The following RIMS1 variants were observed in gnomAD, a reference collection of about 807,000 sequenced individuals.
The protein encoded by RIMS1 is regulating synaptic membrane exocytosis protein 1.
A neutral mutation model predicts 214.1 loss-of-function variants in RIMS1; 83 were observed. The ratio of observed to expected loss-of-function variants is 0.39; its 90% CI spans 0.32 to 0.47. RIMS1 has a LOEUF of 0.47. Among genes scored for constraint, RIMS1 ranks in the 20% least tolerant of loss-of-function variants. The probability of loss-of-function intolerance (pLI) is 0.99; values close to 1 mark genes in which losing one functional copy is unlikely to be tolerated. For synonymous variants in RIMS1, 793 were observed against 786.8 expected (o/e 1.01, Z -0.13); for missense variants, 2,050 against 2,161.8 (o/e 0.95, Z 1.03).
At chr6:72,058,061 GTACT>G in intron 2 of RIMS1, among the ~76,000 whole-genome samples, 1 of 152,210 alleles carries the variant, frequency 6.6e-6, no homozygotes, top group Non-Finnish European at 1.5e-5. Flanking sequence ...AATTTATAAA[GTACT>G]TACTTGATTC....
chr6:72,378,600 C>T (rs747737932), intron 29 of RIMS1, among the ~76,000 whole-genome samples: 2 of 152,058 alleles, frequency 1.3e-5, no homozygotes, highest in African/African-American at 2.4e-5. Flanking sequence ...GAGGCCAAGG[C>T]GGGTGGATCA....
chr6:72,145,904 C>G (rs1237977497), intron 4 of RIMS1, among the ~76,000 whole-genome samples: 3 of 152,290 alleles, frequency 2.0e-5, no homozygotes, highest in African/African-American at 7.2e-5. Context: ...AAGAATACTC[C>G]CAAATCGTTT....
At chr6:71,997,780 T>C (rs1228541573) in intron 2 of RIMS1, among the ~76,000 whole-genome samples, 2 of 152,144 alleles carry the variant, frequency 1.3e-5, no homozygotes, top group Non-Finnish European at 2.9e-5. Flanking sequence ...CTCAGAGTTT[T>C]TAAAATGCTA....
chr6:72,317,777 C>T (rs575813225), intron 28 of RIMS1, among the ~76,000 whole-genome samples: 2 of 152,160 alleles, frequency 1.3e-5, no homozygotes, highest in African/African-American at 2.4e-5. Flanking sequence ...TACACTGTTC[C>T]GAACTTCAAT....
intron 32 of RIMS1, 131 bp from the exon 33 acceptor site, chr6:72,398,824 T>G: frequency 1.7e-6 from 1 of 571,452 alleles, no homozygotes; most frequent in South Asian, 3.1e-5. Flanking sequence ...CAATGGAAAT[T>G]TTAAGTAATT....
At chr6:72,208,041 C>T (rs1053909598) in intron 6 of RIMS1, among the ~76,000 whole-genome samples, 4 of 152,116 alleles carry the variant, frequency 2.6e-5, no homozygotes, top group African/African-American at 4.8e-5. Context: ...TCCTAAGAAG[C>T]GGAAATGGCA....
chr6:72,321,107 A>G (rs1187960688), intron 28 of RIMS1, among the ~76,000 whole-genome samples: 2 of 152,074 alleles, frequency 1.3e-5, no homozygotes, highest in South Asian at 2.1e-4. Flanking sequence ...ATAGACCTTG[A>G]TGTATCCTCA....
chr6:72,209,382 G>T (rs1322557715), intron 6 of RIMS1, among the ~76,000 whole-genome samples: 1 of 152,140 alleles, frequency 6.6e-6, no homozygotes, highest in East Asian at 1.9e-4. Context: ...TATGAAAGAG[G>T]TTCTCAATCC....
intron 1 of RIMS1, among the ~76,000 whole-genome samples, chr6:71,959,619 A>T (rs1373963082): frequency 2.0e-5 from 3 of 151,028 alleles, no homozygotes; most frequent in African/African-American, 2.4e-5. Flanking sequence ...TTTTTTTTTT[A>T]AAGTGTGGAC....
At chr6:72,133,373 C>T (rs1372083839) in intron 4 of RIMS1, among the ~76,000 whole-genome samples, 1 of 152,084 alleles carries the variant, frequency 6.6e-6, no homozygotes, top group Non-Finnish European at 1.5e-5. Flanking sequence ...AGAAAGGCTG[C>T]TCCAATTTAG....
chr6:72,275,328 AT>A (rs2085794700), intron 23 of RIMS1, among the ~76,000 whole-genome samples: 1 of 151,710 alleles, frequency 6.6e-6, no homozygotes, highest in Non-Finnish European at 1.5e-5. Flanking sequence ...CAGAAGCAGC[AT>A]AATTAGTCAT....
chr6:72,187,811 A>G (rs2049381996), intron 6 of RIMS1, among the ~76,000 whole-genome samples: 1 of 151,910 alleles, frequency 6.6e-6, no homozygotes, highest in South Asian at 2.1e-4. Context: ...CTTGATGGAG[A>G]TTGATATGTG....
In RIMS1 at chr6:72,130,486, C is replaced by T. The variant is rs141472205; in HGVS notation, c.471+30500C>T. 1.1e-4 allele frequency among the ~76,000 whole-genome samples: 17 copies of T among 152,018 alleles called. 1 individual carries two copies. The highest frequency in any genetic ancestry group is 5.8e-4 in the East Asian group (3 of 5,180). On this transcript the variant is annotated intron_variant, in intron 4 of 33. Coordinates refer to ENST00000521978, the MANE Select transcript of RIMS1 (RefSeq NM_014989.7). ...TAAAGTATAATATCAAGATAGGAAC[C>T]GATTATGAAAGTAGGTCATAATGAG... is the stretch of plus-strand genomic sequence containing the variant.
intron 2 of RIMS1, among the ~76,000 whole-genome samples, chr6:72,061,760 C>A (rs1332005623): frequency 6.6e-6 from 1 of 152,074 alleles, no homozygotes; most frequent in East Asian, 1.9e-4. Flanking sequence ...GCATAAAGTT[C>A]GAGTGAAAGT....
chr6:72,373,613 TC>T (rs750927218), intron 29 of RIMS1, among the ~76,000 whole-genome samples: 48 of 152,164 alleles, frequency 3.2e-4, no homozygotes, highest in East Asian at 1.2e-3. Flanking sequence ...TAAATTAGAG[TC>T]AGTAATACGT....
chr6:72,293,283 A>T (rs529756680), intron 26 of RIMS1, among the ~76,000 whole-genome samples: 2 of 152,144 alleles, frequency 1.3e-5, no homozygotes, highest in South Asian at 4.1e-4. Flanking sequence ...AATATGATGC[A>T]TTGTGAAACT....
Position 71,919,786 on chromosome 6 carries a change from G to A in RIMS1, c.164+32599G>A, listed in dbSNP as rs547212873. Among the ~76,000 whole-genome samples, 5 of 152,120 alleles carry A rather than the reference G, an allele frequency of 3.3e-5. No individual in the cohort carries two copies. In the South Asian group the frequency reaches 1.0e-3, roughly 32 times the overall value. On this transcript the variant is annotated intron_variant, in intron 1 of 33. Coordinates refer to ENST00000521978, the MANE Select transcript of RIMS1 (RefSeq NM_014989.7). Reference sequence around the variant, plus strand: ...CTGAATCCAAGAGAAAAATGAGAATGTTTTAAAGAATGAAAGGCTGTTCAA... The same window carrying A: ...CTGAATCCAAGAGAAAAATGAGAATATTTTAAAGAATGAAAGGCTGTTCAA...
chr6:72,103,116 G>T (rs2033984242), intron 4 of RIMS1, among the ~76,000 whole-genome samples: 1 of 152,022 alleles, frequency 6.6e-6, no homozygotes, highest in Non-Finnish European at 1.5e-5. Context: ...ACATCAATAA[G>T]AAAAGTTTAG....
chr6:72,202,233 C>A (rs2052119755), intron 6 of RIMS1, among the ~76,000 whole-genome samples: 1 of 152,174 alleles, frequency 6.6e-6, no homozygotes, highest in South Asian at 2.1e-4. Context: ...CAGGATACTG[C>A]AGACTGGGTG....
Sources: gnomAD v4.1 joint callset for allele counts (sites outside exome capture counted in the v4.1 genomes callset) on GRCh38, gnomAD v4.1.1 for gene constraint, MANE v1.5 for transcripts, NCBI Gene and HGNC (gene_info 2026-07-23, HGNC 2026-07-21) for gene names.